The following MYO5A variants were observed in gnomAD, a reference collection of about 807,000 sequenced individuals.
The protein encoded by MYO5A is unconventional myosin-Va.
In MYO5A, 98 loss-of-function variants were observed where a neutral mutation model predicts 249.7. The ratio of observed to expected loss-of-function variants is 0.39; its 90% CI spans 0.33 to 0.46. MYO5A has a LOEUF of 0.46. Ranked by LOEUF, MYO5A falls within the 20% of genes least tolerant of loss-of-function variation. MYO5A has a pLI of 0.98. For missense variants in MYO5A, 1,696 were observed against 2,308.8 expected, an observed-to-expected ratio of 0.73 and a Z score of 5.44; for synonymous variants, 778 against 810.6, an observed-to-expected ratio of 0.96 and a Z score of 0.68.
intron 1 of MYO5A, among the ~76,000 whole-genome samples, chr15:52,477,228 G>C (rs1043933955): frequency 1.3e-5 from 2 of 152,162 alleles, no homozygotes; most frequent in Admixed American, 1.3e-4. Context: ...CTTGTGCCAT[G>C]GTTTTCAGCT....
Position 52,313,511 on chromosome 15 carries a change from G to A in MYO5A, c.*185C>T, listed in dbSNP as rs1173198288. On this transcript the variant is annotated 3_prime_UTR_variant, in exon 42 of 42. Coordinates refer to ENST00000399233, the MANE Select transcript of MYO5A (RefSeq NM_001382347.1). ...TGTTGCTATAAAGATAACACAGCAC[G>A]AAAGAGCCTATCTTTGTTTCCAAAG... The A allele has an allele frequency of 2.6e-6, 2 of 756,164 alleles. No homozygotes were observed. Among genetic ancestry groups the A allele is most frequent in the South Asian group, 1.7e-5 (1 of 58,372 alleles). The allele number at this position is 756,164 out of a possible 1,614,324, so 46.8% of individuals were successfully genotyped here. A position where few individuals can be genotyped will look rare whatever the true frequency, so the allele number is the denominator to read the frequency against.
intron 1 of MYO5A, among the ~76,000 whole-genome samples, chr15:52,458,479 G>T (rs1263039427): frequency 2.0e-5 from 3 of 151,956 alleles, no homozygotes; most frequent in Non-Finnish European, 4.4e-5. Context: ...TATTAGCTGG[G>T]CGTGGTGGCA....
At chr15:52,419,159 C>G (rs1006550333) in intron 4 of MYO5A, among the ~76,000 whole-genome samples, 1 of 152,110 alleles carries the variant, frequency 6.6e-6, no homozygotes, top group African/African-American at 2.4e-5. Context: ...TGTCATGTAC[C>G]TTGATGAAGT....
chr15:52,528,927 G>C (rs2077775885), upstream of MYO5A: 17 of 831,354 alleles, frequency 2.0e-5, no homozygotes, highest in Non-Finnish European at 2.4e-5. Flanking sequence ...GGGCAGGGCC[G>C]GGCGGGGAGG....
intron 18 of MYO5A, among the ~76,000 whole-genome samples, chr15:52,378,830 ACAAATT>A (rs1303256955): frequency 6.6e-6 from 1 of 152,194 alleles, no homozygotes; most frequent in African/African-American, 2.4e-5. Flanking sequence ...CCCGGGAAAT[ACAAATT>A]CTTGGGCCCA....
intron 4 of MYO5A, among the ~76,000 whole-genome samples, chr15:52,420,522 A>G (rs915295909): frequency 6.6e-6 from 1 of 152,122 alleles, no homozygotes; most frequent in Non-Finnish European, 1.5e-5. Context: ...GATGTAGCCT[A>G]TCAACCTTGC....
chr15:52,316,070 T>C (rs1390680434), intron 40 of MYO5A, among the ~76,000 whole-genome samples: 1 of 149,900 alleles, frequency 6.7e-6, no homozygotes, highest in Non-Finnish European at 1.5e-5. Context: ...CCATCTTTAC[T>C]AAAAATACAA....
At chr15:52,472,070 T>C (rs1047998025) in intron 1 of MYO5A, among the ~76,000 whole-genome samples, 1 of 119,522 alleles carries the variant, frequency 8.4e-6, no homozygotes, top group Non-Finnish European at 1.7e-5. Flanking sequence ...TCTTCTCCTG[T>C]TATCCTGACA....
Position 52,482,258 on chromosome 15 carries a change from G to A in MYO5A, c.27+46522C>T, listed in dbSNP as rs149306577. ...TTTTCGTTTAACATAAATAAACCAAGTATCTGTGACTCTACCTGACCTTCT... is the reference window on the plus strand; with the variant it reads ...TTTTCGTTTAACATAAATAAACCAAATATCTGTGACTCTACCTGACCTTCT... On this transcript the variant is annotated intron_variant, in intron 1 of 41. Coordinates refer to ENST00000399233, the MANE Select transcript of MYO5A (RefSeq NM_001382347.1). 1.8e-3 allele frequency among the ~76,000 whole-genome samples: 269 copies of A among 152,288 alleles called. 3 individuals carry two copies. The highest frequency in any genetic ancestry group is 6.2e-3 in the African/African-American group (257 of 41,560).
At chr15:52,521,143 G>A (rs933911376) in intron 1 of MYO5A, among the ~76,000 whole-genome samples, 1 of 150,892 alleles carries the variant, frequency 6.6e-6, no homozygotes, top group Non-Finnish European at 1.5e-5. Flanking sequence ...CAGAAGAATC[G>A]ATTGAACACA....
chr15:52,437,311 C>A (rs554919725), intron 1 of MYO5A, among the ~76,000 whole-genome samples: 1 of 151,984 alleles, frequency 6.6e-6, no homozygotes, highest in East Asian at 1.9e-4. Flanking sequence ...GATTAAGAGT[C>A]GGGCTGGGCA....
intron 32 of MYO5A, among the ~76,000 whole-genome samples, chr15:52,338,954 A>G (rs1013731653): frequency 6.6e-6 from 1 of 152,218 alleles, no homozygotes; most frequent in Non-Finnish European, 1.5e-5. Flanking sequence ...TCATCAAAGC[A>G]TTGTTAGTTT....
chr15:52,450,044 G>T (rs569312178), intron 1 of MYO5A, among the ~76,000 whole-genome samples: 1 of 152,208 alleles, frequency 6.6e-6, no homozygotes, highest in East Asian at 1.9e-4. Context: ...AGAGCAGGGC[G>T]TGGTGATGTG....
rs556260146 is a variant in MYO5A, at chr15:52,313,020, G to C, written c.*676C>G. On this transcript the variant is annotated 3_prime_UTR_variant, in exon 42 of 42. Transcript: ENST00000399233. The stretch of plus-strand genomic sequence containing the variant: ...GAATTGACAAGAGAAACTTATTGTA[G>C]TGCCTAATATCACTTACATTTTAAG... 6.5e-6 allele frequency: 1 copy of C among 152,812 alleles called. No homozygotes were observed. Among genetic ancestry groups the C allele is most frequent in the South Asian group, 2.1e-4 (1 of 4,820 alleles). 9.5% of individuals were successfully genotyped at this position (152,812 alleles called of 1,614,324 possible).
chr15:52,412,433 G>A (rs1471820985), intron 5 of MYO5A, among the ~76,000 whole-genome samples: 1 of 152,122 alleles, frequency 6.6e-6, no homozygotes, highest in Admixed American at 6.6e-5. Context: ...AAGAACAAAT[G>A]AATTAGAAGC....
chr15:52,436,709 G>A (rs2075671003), intron 1 of MYO5A, among the ~76,000 whole-genome samples: 1 of 152,204 alleles, frequency 6.6e-6, no homozygotes, highest in South Asian at 2.1e-4. Flanking sequence ...CAGAGCTGGT[G>A]CTTAGTAAGA....
intron 1 of MYO5A, among the ~76,000 whole-genome samples, chr15:52,511,664 C>T (rs2077392193): frequency 6.6e-6 from 1 of 152,152 alleles, no homozygotes; most frequent in Non-Finnish European, 1.5e-5. Flanking sequence ...GGATCTTTTA[C>T]CCTCTCAGGT....
intron 20 of MYO5A, among the ~76,000 whole-genome samples, chr15:52,374,622 C>T (rs1057268018): frequency 5.3e-5 from 8 of 152,196 alleles, no homozygotes; most frequent in African/African-American, 1.9e-4. Flanking sequence ...AGAGAAAATG[C>T]TGTGAAAACA....
chr15:52,486,858 A>G (rs2076831797), intron 1 of MYO5A, among the ~76,000 whole-genome samples: 1 of 152,232 alleles, frequency 6.6e-6, no homozygotes, highest in Admixed American at 6.5e-5. Context: ...GCTCTATAGA[A>G]GATTCCCACG....
Sources: allele counts gnomAD v4.1 joint callset (sites outside exome capture counted in the v4.1 genomes callset), GRCh38; gene constraint gnomAD v4.1.1; transcripts MANE v1.5; gene names NCBI Gene and HGNC (gene_info 2026-07-23, HGNC 2026-07-21).